The following APOE variants were observed in gnomAD, a reference collection of about 807,000 sequenced individuals.
The protein encoded by APOE is apolipoprotein E, also known as apolipoprotein E3.
APOE carries 10 observed loss-of-function variants against 13.1 expected under a neutral mutation model. The ratio of observed to expected loss-of-function variants is 0.76; its 90% CI spans 0.47 to 1.29. APOE has a LOEUF of 1.29. Ranked by LOEUF, APOE falls within the 50% of genes most tolerant of loss-of-function variation. The pLI is 0.00. For missense variants in APOE, 471 were observed against 459.6 expected (o/e 1.02, Z -0.23); for synonymous variants, 211 against 207.1 (o/e 1.02, Z -0.16).
intron 1 of APOE, 152 bp downstream of exon 1, chr19:44,905,993 G>GGACT (rs1475882488): frequency 1.7e-6 from 2 of 1,183,394 alleles, no homozygotes; most frequent in East Asian, 1.2e-4. Flanking sequence ...AAGCAGCAGG[G>GGACT]GACTGGACCT....
At chr19:44,906,429 G>A in intron 1 of APOE, 173 bp from the exon 2 acceptor site, 1 of 680,902 alleles carries the variant, frequency 1.5e-6, no homozygotes, top group East Asian at 2.7e-5. Flanking sequence ...AGACCAGGAG[G>A]GAGTTAAATA....
intron 2 of APOE, 24 bp downstream of exon 2, chr19:44,906,691 T>A: frequency 6.2e-7 from 1 of 1,611,666 alleles, no homozygotes. Context: ...GCTTGCTCGG[T>A]TCCCCCCGCT....
chr19:44,908,766 C>T lies in APOE; in HGVS notation c.470C>T (p.Ser157Phe), dbSNP rs1483485796. 7.0e-6 allele frequency: 11 copies of T among 1,560,306 alleles called. No individual in the cohort carries two copies. The highest frequency in any genetic ancestry group is 9.5e-6 in the Non-Finnish European group (11 of 1,154,564). The change falls in exon 4 of 4, where the codon TCC (serine) becomes TTC (phenylalanine). Residue 157 changes from serine to phenylalanine, a missense_variant. Ser to Phe is a radical substitution (Grantham distance 155). Transcript: ENST00000252486. ...GAGGAGCTGCGGGTGCGCCTCGCCTCCCACCTGCGCAAGCTGCGTAAGCGG... is the reference window on the plus strand; with the variant it reads ...GAGGAGCTGCGGGTGCGCCTCGCCTTCCACCTGCGCAAGCTGCGTAAGCGG... ...STEELRVRLASHLRKLRKRLL... is the reference protein window; with the variant it reads ...STEELRVRLAFHLRKLRKRLL...
At chr19:44,906,402 G>T (rs1015197952) in intron 1 of APOE, 200 bp from the exon 2 acceptor site, 15 of 618,758 alleles carry the variant, frequency 2.4e-5, no homozygotes, top group African/African-American at 5.5e-5. Context: ...CCGACCTGGG[G>T]ATGGGGAGAT....
In APOE at chr19:44,909,044, G is replaced by A; in HGVS notation, c.748G>A (p.Val250Met). 1 of 1,554,942 alleles carries A rather than the reference G, an allele frequency of 6.4e-7. No homozygotes were observed. The change falls in exon 4 of 4, where the codon GTG (valine) becomes ATG (methionine). Residue 250 changes from valine (V) to methionine (M), a missense_variant. By Grantham distance (21) the Val-to-Met change is conservative. Coordinates refer to ENST00000252486, the MANE Select transcript of APOE (RefSeq NM_000041.4). ...GSRTRDRLDEVKEQVAEVRAK... is the reference protein window; with the variant it reads ...GSRTRDRLDEMKEQVAEVRAK... The stretch of plus-strand genomic sequence containing the variant: ...CCGGACCCGCGACCGCCTGGACGAG[G>A]TGAAGGAGCAGGTGGCGGAGGTGCG...
In APOE at chr19:44,907,876, T is replaced by C; in HGVS notation, c.160T>C (p.Tyr54His). 1 of 1,614,042 alleles carries C rather than the reference T, an allele frequency of 6.2e-7. No homozygotes were observed. Among genetic ancestry groups the C allele is most frequent in the Non-Finnish European group, 8.5e-7 (1 of 1,179,938 alleles). Residue 54 changes from tyrosine (Y) to histidine (H), a missense_variant, in exon 3 of 4, where the codon TAC becomes CAC. Tyr to His is a moderately conservative substitution (Grantham distance 83). Coordinates refer to ENST00000252486, the MANE Select transcript of APOE (RefSeq NM_000041.4). This position sits in a 1 kb window ranked among gnomAD's most constrained non-coding sequence, Gnocchi z 4.1. ...WELALGRFWD[Y>H]LRWVQTLSEQ... ...ACTGGCACTGGGTCGCTTTTGGGAT[T>C]ACCTGCGCTGGGTGCAGACACTGTC...
Position 44,908,741 on chromosome 19 carries a change from G to C in APOE, c.445G>C (p.Glu149Gln). 1 of 1,560,344 alleles carries C rather than the reference G, an allele frequency of 6.4e-7. No individual in the cohort carries two copies. The highest frequency in any genetic ancestry group is 1.2e-5 in the South Asian group (1 of 85,092). ...GCAGGCCATGCTCGGCCAGAGCACC[G>C]AGGAGCTGCGGGTGCGCCTCGCCTC... ...EVQAMLGQST[E>Q]ELRVRLASHL... Residue 149 changes from glutamate (E) to glutamine (Q), a missense_variant, in exon 4 of 4, where the codon GAG (glutamate) becomes CAG (glutamine). Physicochemically the swap from Glu to Gln is conservative, Grantham distance 29. Transcript: ENST00000252486.
At chr19:44,906,688 C>T (rs774160308) in intron 2 of APOE, 21 bp downstream of exon 2, 172 of 1,612,748 alleles carry the variant, frequency 1.1e-4, no homozygotes, top group Non-Finnish European at 1.4e-4. Flanking sequence ...GGGGCTTGCT[C>T]GGTTCCCCCC....
chr19:44,908,861 G>C lies in APOE; in HGVS notation c.565G>C (p.Glu189Gln), dbSNP rs11542032. 6.6e-7 allele frequency: 1 copy of C among 1,520,728 alleles called. No individual in the cohort carries two copies. The highest frequency in any genetic ancestry group is 8.8e-7 in the Non-Finnish European group (1 of 1,139,230). The allele number at this position is 1,520,728 out of a possible 1,614,324, so 94.2% of individuals were successfully genotyped here. The stretch of plus-strand genomic sequence containing the variant: ...CCAGGCCGGGGCCCGCGAGGGCGCC[G>C]AGCGCGGCCTCAGCGCCATCCGCGA... ...VYQAGAREGA[E>Q]RGLSAIRERL... The change falls in exon 4 of 4, where the codon GAG becomes CAG. Residue 189 changes from glutamate to glutamine, a missense_variant. By Grantham distance (29) the Glu-to-Gln change is conservative. Coordinates refer to ENST00000252486, the MANE Select transcript of APOE (RefSeq NM_000041.4).
At position 44,907,487 on chromosome 19, in the gene APOE, C is replaced by T. The variant is rs1411223479; in HGVS notation, c.44-273C>T. 6.6e-6 allele frequency among the ~76,000 whole-genome samples: 1 copy of T among 152,172 alleles called. No individual in the cohort carries two copies. Among genetic ancestry groups the T allele is most frequent in the Non-Finnish European group, 1.5e-5 (1 of 68,034 alleles). On this transcript the variant is annotated intron_variant, in intron 2 of 3. Transcript: ENST00000252486. The surrounding 1 kb of genome is among the most constrained non-coding windows in gnomAD (Gnocchi z 4.1). Reference sequence around the variant, plus strand: ...TGCCACACACCTGTGCTCTCAGCTACTCAGGAGGCTGAGGCAGGAGGATCG... The same window carrying T: ...TGCCACACACCTGTGCTCTCAGCTATTCAGGAGGCTGAGGCAGGAGGATCG...
chr19:44,906,231 C>G (rs138102896), intron 1 of APOE: 5 of 375,938 alleles, frequency 1.3e-5, no homozygotes, highest in South Asian at 1.1e-4. Context: ...ACTGAATTAG[C>G]TCATAAATGG....
At position 44,908,716 on chromosome 19, in the gene APOE, G is replaced by A; in HGVS notation, c.420G>A (p.Val140=). 4 of 1,559,876 alleles carry A rather than the reference G, an allele frequency of 2.6e-6. No homozygotes were observed. Among genetic ancestry groups the A allele is most frequent in the Non-Finnish European group, 3.5e-6 (4 of 1,152,718 alleles). ...CGRLVQYRGE[V]QAMLGQSTEE... ...GCCTGGTGCAGTACCGCGGCGAGGT[G>A]CAGGCCATGCTCGGCCAGAGCACCG... Residue 140 remains valine, a synonymous_variant, in exon 4 of 4, where the codon GTG becomes GTA. Transcript: ENST00000252486.
rs1265743589 is a variant in APOE at position 44,908,955 on chromosome 19, C to T, written c.659C>T (p.Pro220Leu). The change falls in exon 4 of 4, where the codon CCG (proline) becomes CTG (leucine). Residue 220 changes from proline to leucine, a missense_variant. Physicochemically the swap from Pro to Leu is moderately conservative, Grantham distance 98. Transcript: ENST00000252486. ...AATVGSLAGQ[P>L]LQERAQAWGE... ...ACTGTGGGCTCCCTGGCCGGCCAGC[C>T]GCTACAGGAGCGGGCCCAGGCCTGG... 25 of 1,521,096 alleles carry T rather than the reference C, an allele frequency of 1.6e-5. No homozygotes were observed. Among genetic ancestry groups the T allele is most frequent in the Non-Finnish European group, 2.0e-5 (23 of 1,139,894 alleles). 94.2% of individuals were successfully genotyped at this position (1,521,096 alleles called of 1,614,324 possible). A position where few individuals can be genotyped will look rare whatever the true frequency, so the allele number is the denominator to read the frequency against.
At chr19:44,906,028 AC>A in intron 1 of APOE, 187 bp downstream of exon 1, 1 of 813,070 alleles carries the variant, frequency 1.2e-6, no homozygotes. Context: ...AGCAGAGACG[AC>A]CCGACCCGCT....
In APOE at chr19:44,909,175, G is replaced by A. The variant is rs1220992922; in HGVS notation, c.879G>A (p.Gln293=). ...FEPLVEDMQR[Q]WAGLVEKVQA... ...CCCTGGTGGAAGACATGCAGCGCCA[G>A]TGGGCCGGGCTGGTGGAGAAGGTGC... The change falls in exon 4 of 4, where the codon CAG becomes CAA. Residue 293 remains glutamine, a synonymous_variant. Transcript: ENST00000252486. 6.2e-7 allele frequency: 1 copy of A among 1,600,164 alleles called. No individual in the cohort carries two copies. The highest frequency in any genetic ancestry group is 1.3e-5 in the African/African-American group (1 of 75,008).
At chr19:44,908,045 G>A in intron 3 of APOE, 93 bp downstream of exon 3, 5 of 1,250,530 alleles carry the variant, frequency 4.0e-6, no homozygotes, top group Non-Finnish European at 1.1e-6. Flanking sequence ...CTAAGTCTTG[G>A]GGGGCCTGGG....
At position 44,907,926 on chromosome 19, in the gene APOE, C is replaced by G. The variant is rs781192562; in HGVS notation, c.210C>G (p.Leu70=). 2 of 1,613,746 alleles carry G rather than the reference C, an allele frequency of 1.2e-6. No homozygotes were observed. The highest frequency in any genetic ancestry group is 4.5e-5 in the East Asian group (2 of 44,880). Residue 70 remains leucine, a synonymous_variant, in exon 3 of 4, where the codon CTC becomes CTG. Transcript: ENST00000252486. This position sits in a 1 kb window ranked among gnomAD's most constrained non-coding sequence, Gnocchi z 4.1. ...CTGAGCAGGTGCAGGAGGAGCTGCT[C>G]AGCTCCCAGGTCACCCAGGAACTGA... The part of the protein sequence containing the change: ...TLSEQVQEEL[L]SSQVTQELRA...
chr19:44,906,445 T>C, intron 1 of APOE, 157 bp from the exon 2 acceptor site: 1 of 738,476 alleles, frequency 1.4e-6, no homozygotes, highest in Non-Finnish European at 2.4e-6. Flanking sequence ...AAATAGGGAA[T>C]GGGTTGGGGG....
Position 44,906,666 on chromosome 19 carries a change from A to G in APOE, c.42A>G (p.Ala14=), listed in dbSNP as rs768934589. The G allele has an allele frequency of 1.2e-6, 2 of 1,613,946 alleles. No homozygotes were observed. The highest frequency in any genetic ancestry group is 1.7e-5 in the Admixed American group (1 of 60,006). ...LWAALLVTFL[A]GCQAKVEQAV... Reference sequence around the variant, plus strand: ...CTGCGTTGCTGGTCACATTCCTGGCAGGTATGGGGGCGGGGCTTGCTCGGT... The same window carrying G: ...CTGCGTTGCTGGTCACATTCCTGGCGGGTATGGGGGCGGGGCTTGCTCGGT... The change falls in exon 2 of 4, where the codon GCA becomes GCG. Residue 14 remains alanine (A), a splice_region_variant and synonymous_variant. Transcript: ENST00000252486.
Sources: allele counts gnomAD v4.1 joint callset (sites outside exome capture counted in the v4.1 genomes callset), GRCh38; gene constraint gnomAD v4.1.1; non-coding constraint Gnocchi (gnomAD v3.1); transcripts MANE v1.5; gene names NCBI Gene and HGNC (gene_info 2026-07-23, HGNC 2026-07-21).